SGCZ: variants seen among roughly 807,000 people sequenced by gnomAD.
SGCZ encodes zeta-sarcoglycan.
In SGCZ, 40 loss-of-function variants were observed where a neutral mutation model predicts 41.3. The ratio of observed to expected loss-of-function variants is 0.97; its 90% CI spans 0.75 to 1.26. SGCZ has a LOEUF of 1.26. Among genes scored for constraint, SGCZ ranks in the 50% most tolerant of loss-of-function variants. The pLI is 0.00. For missense variants in SGCZ, 552 were observed against 369.8 expected (o/e 1.49, Z -4.04); for synonymous variants, 206 against 137.5 (o/e 1.50, Z -3.49).
At position 15,014,609 on chromosome 8, in the gene SGCZ, A is replaced by T. The variant is rs549119754; in HGVS notation, c.39+222976T>A. Among the ~76,000 whole-genome samples the T allele has an allele frequency of 8.3e-4, 127 of 152,206 alleles. 1 individual carries two copies. Among genetic ancestry groups the T allele is most frequent in the Non-Finnish European group, 1.5e-3 (99 of 68,034 alleles). ...CAGCTGCCCATGTCTATGATCAGGT[A>T]TCCATAGCATTTGGCTACTCAGCAT... On this transcript the variant is annotated intron_variant, in intron 1 of 7. Coordinates refer to ENST00000382080, the MANE Select transcript of SGCZ (RefSeq NM_139167.4).
intron 2 of SGCZ, among the ~76,000 whole-genome samples, chr8:14,524,532 G>A (rs775757509): frequency 1.3e-4 from 20 of 151,886 alleles, no homozygotes; most frequent in Non-Finnish European, 2.8e-4. Context: ...CCTCTACAAA[G>A]GTACGAAGAG....
At chr8:14,616,178 G>C (rs1231548121) in intron 1 of SGCZ, among the ~76,000 whole-genome samples, 2 of 151,926 alleles carry the variant, frequency 1.3e-5, no homozygotes, top group Non-Finnish European at 2.9e-5. Flanking sequence ...AGCTACTCGG[G>C]AGGCTGAGGC....
rs80184901 is a variant in SGCZ at position 15,000,701 on chromosome 8, T to A, written c.39+236884A>T. On this transcript the variant is annotated intron_variant, in intron 1 of 7. Coordinates refer to ENST00000382080, the MANE Select transcript of SGCZ (RefSeq NM_139167.4). ...AAGATTAAGTTGGGGCAACCAGCCT[T>A]CCCCACACTATGTAAACAATATACC... Among the ~76,000 whole-genome samples the A allele has an allele frequency of 0.014, 2,186 of 152,256 alleles. 71 individuals carry two copies. In the East Asian group the frequency reaches 0.15, roughly 11 times the overall value.
rs550841592 is a variant in SGCZ, at chr8:14,514,699, A to C, written c.234+40033T>G. ...TATATATACGTATATATTTACATAT[A>C]TGTACACACATTTACATATATAAAC... On this transcript the variant is annotated intron_variant, in intron 2 of 7. Coordinates refer to ENST00000382080, the MANE Select transcript of SGCZ (RefSeq NM_139167.4). 9.4e-4 allele frequency among the ~76,000 whole-genome samples: 140 copies of C among 149,106 alleles called. 1 individual carries two copies. The highest frequency in any genetic ancestry group is 3.3e-3 in the African/African-American group (137 of 40,924).
intron 2 of SGCZ, among the ~76,000 whole-genome samples, chr8:14,511,478 C>T (rs914869958): frequency 6.6e-6 from 1 of 151,882 alleles, no homozygotes; most frequent in Non-Finnish European, 1.5e-5. Flanking sequence ...AGTGGACCAG[C>T]AAATGTGGTA....
At chr8:14,382,956 C>T (rs1299015315) in intron 2 of SGCZ, among the ~76,000 whole-genome samples, 1 of 152,142 alleles carries the variant, frequency 6.6e-6, no homozygotes, top group African/African-American at 2.4e-5. Flanking sequence ...CACTTCTCTC[C>T]CGCAAAAAGC....
chr8:14,629,523 C>T (rs2117392966), intron 1 of SGCZ, among the ~76,000 whole-genome samples: 1 of 151,818 alleles, frequency 6.6e-6, no homozygotes, highest in East Asian at 1.9e-4. Context: ...ATAAAAAGTG[C>T]ATAAGATATC....
rs143856177 is a variant in SGCZ at position 14,554,881 on chromosome 8, G to T, written c.85C>A (p.Pro29Thr). 6.2e-7 allele frequency: 1 copy of T among 1,612,742 alleles called. No individual in the cohort carries two copies. Among genetic ancestry groups the T allele is most frequent in the African/African-American group, 1.3e-5 (1 of 74,754 alleles). ...YILATQQNNL[P>T]RTENAQLYPV... ...TAAAGTTGTGCATTCTCAGTCCTTG[G>T]CAGGTTATTCTGTTGGGTTGCTAGT... The change falls in exon 2 of 8, where the codon CCA (proline) becomes ACA (threonine). Residue 29 changes from proline (P) to threonine (T), a missense_variant. Transcript: ENST00000382080.
intron 1 of SGCZ, among the ~76,000 whole-genome samples, chr8:14,781,191 C>A (rs1800577280): frequency 6.6e-6 from 1 of 152,108 alleles, no homozygotes; most frequent in African/African-American, 2.4e-5. Context: ...CAAAGAAATT[C>A]AAAACACAAA....
intron 2 of SGCZ, among the ~76,000 whole-genome samples, chr8:14,445,140 T>C (rs1449040062): frequency 6.6e-6 from 1 of 152,116 alleles, no homozygotes; most frequent in Admixed American, 6.5e-5. Context: ...TGAAAGGTGA[T>C]TATATTAATT....
intron 1 of SGCZ, among the ~76,000 whole-genome samples, chr8:15,064,221 A>G (rs1055531315): frequency 6.6e-6 from 1 of 152,098 alleles, no homozygotes; most frequent in Admixed American, 6.6e-5. Context: ...GGACATAACT[A>G]TCTATATTTC....
chr8:15,148,923 G>A lies in SGCZ; in HGVS notation c.39+88662C>T, dbSNP rs183380111. Among the ~76,000 whole-genome samples the A allele has an allele frequency of 1.5e-3, 233 of 152,270 alleles. 1 individual carries two copies. The highest frequency in any genetic ancestry group is 0.014 in the Middle Eastern group (4 of 294). On this transcript the variant is annotated intron_variant, in intron 1 of 7. Transcript: ENST00000382080. Reference sequence around the variant, plus strand: ...AAGGCCAAAGAAAAGCAAGAACAGGGAATAATACTGCACGAGCACTGAAAT... The same window carrying A: ...AAGGCCAAAGAAAAGCAAGAACAGGAAATAATACTGCACGAGCACTGAAAT...
In SGCZ at chr8:15,237,698, C is replaced by G. The variant is rs1477684896; in HGVS notation, c.-75G>C. On this transcript the variant is annotated 5_prime_UTR_variant, in exon 1 of 8. Transcript: ENST00000382080. ...AACAATCTAGTCTTTTAGTTTCCAGCTTAAACTCAGCTTTATCCTCCTCCA... is the reference window on the plus strand; with the variant it reads ...AACAATCTAGTCTTTTAGTTTCCAGGTTAAACTCAGCTTTATCCTCCTCCA... The G allele has an allele frequency of 1.4e-5, 21 of 1,514,668 alleles. No homozygotes were observed. In the Admixed American group the frequency reaches 2.2e-4, roughly 16 times the overall value. The allele number at this position is 1,514,668 out of a possible 1,614,324, so 93.8% of individuals were successfully genotyped here. A position where few individuals can be genotyped will look rare whatever the true frequency, so the allele number is the denominator to read the frequency against.
chr8:14,307,374 T>A (rs746818155), intron 3 of SGCZ, among the ~76,000 whole-genome samples: 4 of 152,144 alleles, frequency 2.6e-5, no homozygotes, highest in Non-Finnish European at 5.9e-5. Flanking sequence ...TTTGCATATC[T>A]GAAAAATGAT....
chr8:14,671,576 T>G (rs1250556003), intron 1 of SGCZ, among the ~76,000 whole-genome samples: 1 of 152,132 alleles, frequency 6.6e-6, no homozygotes, highest in Non-Finnish European at 1.5e-5. Flanking sequence ...TACTTCAGGG[T>G]GCCCAGGTGA....
In SGCZ at chr8:14,562,291, T is replaced by C. The variant is rs916099753; in HGVS notation, c.40-7365A>G. ...CTCCGAGCAGAAGATTGTTTTCATT[T>C]AATAAAATATTTACGAGTGAAAACT... On this transcript the variant is annotated intron_variant, in intron 1 of 7. Coordinates refer to ENST00000382080, the MANE Select transcript of SGCZ (RefSeq NM_139167.4). 3.9e-5 allele frequency among the ~76,000 whole-genome samples: 6 copies of C among 152,290 alleles called. No individual in the cohort carries two copies. In the East Asian group the frequency reaches 1.2e-3, roughly 29 times the overall value.
chr8:14,099,635 C>T lies in SGCZ; in HGVS notation c.744+2741G>A, dbSNP rs111870830. On this transcript the variant is annotated intron_variant, in intron 7 of 7. Coordinates refer to ENST00000382080, the MANE Select transcript of SGCZ (RefSeq NM_139167.4). ...ACCTACTAGGGAGGCTGAGGCAGGA[C>T]AATCGCTTGAACCCAGGGGGTGGAG... Among the ~76,000 whole-genome samples the T allele has an allele frequency of 6.8e-3, 1,039 of 152,110 alleles. 11 individuals are homozygous for T. Among genetic ancestry groups the T allele is most frequent in the African/African-American group, 0.023 (947 of 41,502 alleles).
rs139459278 is a variant in SGCZ at position 14,272,687 on chromosome 8, A to T, written c.337-35008T>A. On this transcript the variant is annotated intron_variant, in intron 3 of 7. Transcript: ENST00000382080. ...TGTTCATCATAATTTTAAGCCATTGACTCTTTCTGAGGTTAGTAGGGAATG... is the reference window on the plus strand; with the variant it reads ...TGTTCATCATAATTTTAAGCCATTGTCTCTTTCTGAGGTTAGTAGGGAATG... Among the ~76,000 whole-genome samples, 7 of 152,042 alleles carry T rather than the reference A, an allele frequency of 4.6e-5. No individual in the cohort carries two copies. In the East Asian group the frequency reaches 1.2e-3, roughly 25 times the overall value.
intron 2 of SGCZ, among the ~76,000 whole-genome samples, chr8:14,529,425 G>A (rs1291629219): frequency 1.3e-5 from 2 of 152,134 alleles, no homozygotes; most frequent in Non-Finnish European, 2.9e-5. Context: ...AAGCAAATGT[G>A]CCACATTGTT....
Sources: gnomAD v4.1 joint callset for allele counts (sites outside exome capture counted in the v4.1 genomes callset) on GRCh38, gnomAD v4.1.1 for gene constraint, MANE v1.5 for transcripts, NCBI Gene and HGNC (gene_info 2026-07-23, HGNC 2026-07-21) for gene names.